Variants in TIAM2 observed in about 807,000 individuals in gnomAD.
TIAM2 encodes the protein TIAM Rac1 associated GEF 2.
Under a neutral mutation model 152.9 loss-of-function variants are expected in TIAM2, and 80 were observed. The ratio of observed to expected loss-of-function variants is 0.52; its 90% CI spans 0.44 to 0.63. TIAM2 has a LOEUF of 0.63. TIAM2 is among the 30% of genes least tolerant of loss of function. The pLI is 0.00. For missense variants in TIAM2, 1,965 were observed against 2,120.1 expected (o/e 0.93, Z 1.44); for synonymous variants, 804 against 838.0 (o/e 0.96, Z 0.70).
chr6:155,208,916 G>A (rs1218059625), intron 14 of TIAM2, among the ~76,000 whole-genome samples: 1 of 151,956 alleles, frequency 6.6e-6, no homozygotes, highest in African/African-American at 2.4e-5. Context: ...GATGGTGCCC[G>A]GCTCCTCCTA....
intron 2 of TIAM2, among the ~76,000 whole-genome samples, chr6:155,110,145 G>T (rs1387742832): frequency 6.6e-6 from 1 of 151,642 alleles, no homozygotes; most frequent in East Asian, 1.9e-4. Context: ...TAGAGACGGG[G>T]TTTCACCATG....
intron 15 of TIAM2, among the ~76,000 whole-genome samples, chr6:155,234,041 A>G (rs73577496): frequency 0.069 from 10,449 of 151,170 alleles, 1,249 homozygotes; most frequent in African/African-American, 0.24. Flanking sequence ...GCTTTTCCAG[A>G]TAGCATAATT....
intron 1 of TIAM2, among the ~76,000 whole-genome samples, chr6:155,041,180 C>A (rs748225807): frequency 1.1e-4 from 17 of 152,172 alleles, no homozygotes; most frequent in Non-Finnish European, 2.4e-4. Context: ...TCTCTAAACT[C>A]ATTAAGCTCC....
intron 1 of TIAM2, among the ~76,000 whole-genome samples, chr6:155,077,696 A>G (rs1777989245): frequency 6.6e-6 from 1 of 152,220 alleles, no homozygotes; most frequent in South Asian, 2.1e-4. Flanking sequence ...GTCATAGGGC[A>G]GTGTGTCAGG....
intron 14 of TIAM2, among the ~76,000 whole-genome samples, chr6:155,192,495 C>T (rs138660914): frequency 0.022 from 3,375 of 152,210 alleles, 45 homozygotes; most frequent in South Asian, 0.048. Context: ...TTTAGTTATG[C>T]GGGCCACATC....
rs755545625 is a variant in TIAM2 at position 155,130,143 on chromosome 6, A to G, written c.920A>G (p.Asn307Ser). 5.6e-6 allele frequency: 9 copies of G among 1,614,124 alleles called. No individual in the cohort carries two copies. Among genetic ancestry groups the G allele is most frequent in the Admixed American group, 5.0e-5 (3 of 60,024 alleles). Residue 307 changes from asparagine to serine, a missense_variant, in exon 4 of 27, where the codon AAC becomes AGC. Physicochemically the swap from Asn to Ser is conservative, Grantham distance 46 (BLOSUM62 1). Around this residue, in one of 3 missense-constraint regions of TIAM2, gnomAD observed 1,025 missense variants for 1,119.4 expected, o/e 0.92. Coordinates refer to ENST00000682666, the MANE Select transcript of TIAM2 (RefSeq NM_012454.4). The part of the protein sequence containing the change: ...SSLRELYKDA[N>S]LGSLSPSGIR... ...CTCCGGGAACTGTACAAAGATGCCA[A>G]CCTGGGGAGCCTCTCCCCCTCAGGT...
intron 2 of TIAM2, among the ~76,000 whole-genome samples, chr6:155,109,053 A>G (rs367965872): frequency 1.8e-4 from 28 of 152,136 alleles, no homozygotes; most frequent in African/African-American, 4.8e-4. Flanking sequence ...GCGCGATCTC[A>G]GCTCACTGCA....
intron 1 of TIAM2, among the ~76,000 whole-genome samples, chr6:155,036,489 G>A (rs1440354924): frequency 7.3e-6 from 1 of 136,456 alleles, no homozygotes; most frequent in Non-Finnish European, 1.5e-5. Flanking sequence ...AGCCAAGATT[G>A]TACCACTGCA....
At chr6:155,004,627 C>A (rs1173307700) in intron 1 of TIAM2, among the ~76,000 whole-genome samples, 1 of 152,104 alleles carries the variant, frequency 6.6e-6, no homozygotes, top group Non-Finnish European at 1.5e-5. Context: ...ATCTCCTGAC[C>A]TTGTGATCTG....
chr6:155,147,175 T>A (rs1291606840), intron 6 of TIAM2, among the ~76,000 whole-genome samples: 2 of 32,928 alleles, frequency 6.1e-5, no homozygotes, highest in Non-Finnish European at 1.2e-4. Context: ...TTTACATTGT[T>A]CTTTTTTTTT....
intron 7 of TIAM2, among the ~76,000 whole-genome samples, chr6:155,153,344 C>T (rs749581743): frequency 3.3e-5 from 5 of 152,046 alleles, no homozygotes; most frequent in Non-Finnish European, 7.3e-5. Context: ...CGGTGACTCA[C>T]ACCTGTAATC....
intron 2 of TIAM2, among the ~76,000 whole-genome samples, chr6:155,120,179 AGCCATGCTTGTCAGCG>A (rs1779119217): frequency 2.0e-5 from 3 of 152,220 alleles, no homozygotes; most frequent in Non-Finnish European, 2.9e-5. Context: ...GTTGAATACC[AGCCATGCTTGTCAGCG>A]GAGATCCTGC....
intron 2 of TIAM2, among the ~76,000 whole-genome samples, chr6:155,108,463 A>G (rs1390314622): frequency 6.6e-6 from 1 of 152,160 alleles, no homozygotes; most frequent in Non-Finnish European, 1.5e-5. Flanking sequence ...ACCTACTTTG[A>G]TTTTTGCCAG....
rs1290949576 is a variant in TIAM2 at position 155,047,685 on chromosome 6, AGAG to A, written c.-208-42600_-208-42598del. 1.9e-4 allele frequency among the ~76,000 whole-genome samples: 4 copies of A among 21,588 alleles called. 1 individual carries two copies. Among genetic ancestry groups the A allele is most frequent in the Non-Finnish European group, 2.9e-4 (2 of 7,010 alleles). The allele number at this position is 21,588 out of a possible 152,430, so 14.2% of individuals were successfully genotyped here. On this transcript the variant is annotated intron_variant, in intron 1 of 26. Transcript: ENST00000682666. Reference sequence around the variant, plus strand: ...AGAGAGAGGAGAGAGAGAGAGAGAGAGAGGAGAGAGAGAGAGAGAGCGAGAGAG... The same window carrying A: ...AGAGAGAGGAGAGAGAGAGAGAGAGAGAGAGAGAGAGAGAGAGCGAGAGAG...
intron 7 of TIAM2, chr6:155,149,149 C>T (rs1252831335): frequency 1.2e-5 from 2 of 167,208 alleles, no homozygotes; most frequent in Non-Finnish European, 2.9e-5. Flanking sequence ...GAGGGCCATT[C>T]AGAGCTCTGC....
At chr6:155,066,129 G>A (rs1335388540) in intron 1 of TIAM2, among the ~76,000 whole-genome samples, 1 of 143,220 alleles carries the variant, frequency 7.0e-6, no homozygotes, top group Non-Finnish European at 1.6e-5. Context: ...TCTCCACTGA[G>A]ACGGCCGCTC....
chr6:155,185,219 C>T (rs1232251932), intron 14 of TIAM2, among the ~76,000 whole-genome samples: 1 of 150,536 alleles, frequency 6.6e-6, no homozygotes, highest in Non-Finnish European at 1.5e-5. Flanking sequence ...CTCCACCTCC[C>T]GGTTTCTAGT....
chr6:155,106,249 C>A (rs563186398), intron 2 of TIAM2, among the ~76,000 whole-genome samples: 118 of 152,128 alleles, frequency 7.8e-4, no homozygotes, highest in African/African-American at 2.7e-3. Flanking sequence ...AGGTGATCTA[C>A]CCTCCTCGGC....
intron 26 of TIAM2, chr6:155,254,835 A>T (rs993613656): frequency 2.4e-6 from 1 of 420,438 alleles, no homozygotes; most frequent in East Asian, 4.0e-5. Context: ...TAAGATGTGC[A>T]TGGGTCCAGG....
Sources: allele counts gnomAD v4.1 joint callset (sites outside exome capture counted in the v4.1 genomes callset), GRCh38; gene constraint gnomAD v4.1.1; regional missense constraint gnomAD v4.1.1; transcripts MANE v1.5; gene names NCBI Gene and HGNC (gene_info 2026-07-23, HGNC 2026-07-21).